IDH3A: variants seen among roughly 807,000 people sequenced by gnomAD.
IDH3A encodes isocitrate dehydrogenase [NAD] subunit alpha, mitochondrial.
In IDH3A, 23 loss-of-function variants were observed where a neutral mutation model predicts 43.3. That is an observed-to-expected ratio of 0.53 (90% CI 0.38 to 0.75). The LOEUF (loss-of-function observed/expected upper bound fraction) is 0.75. Ranked by LOEUF, IDH3A falls within the 30% of genes least tolerant of loss-of-function variation. The probability of loss-of-function intolerance (pLI) is 0.00; values close to 1 mark genes in which losing one functional copy is unlikely to be tolerated. For missense variants in IDH3A, 329 were observed against 474.4 expected, an observed-to-expected ratio of 0.69 and a Z score of 2.85; for synonymous variants, 154 against 163.5, an observed-to-expected ratio of 0.94 and a Z score of 0.44.
In IDH3A at chr15:78,158,463, A is replaced by AT. The variant is rs67298643; in HGVS notation, c.174+862dup. ...TACATACATACATATATATATATAT[A>AT]TTTTTTTTTTTTTTTTTTTTTTTTT... On this transcript the variant is annotated intron_variant, in intron 3 of 10. Coordinates refer to ENST00000299518, the MANE Select transcript of IDH3A (RefSeq NM_005530.3). Among the ~76,000 whole-genome samples, 45 of 67,376 alleles carry AT rather than the reference A, an allele frequency of 6.7e-4. 3 individuals carry two copies. The highest frequency in any genetic ancestry group is 1.1e-3 in the Non-Finnish European group (38 of 33,668). The allele number at this position is 67,376 out of a possible 152,430, so 44.2% of individuals were successfully genotyped here. A position where few individuals can be genotyped will look rare whatever the true frequency, so the allele number is the denominator to read the frequency against.
Position 78,169,599 on chromosome 15 carries a change from A to G in IDH3A, c.*594A>G, listed in dbSNP as rs1017173455. The G allele has an allele frequency of 1.2e-4, 18 of 152,266 alleles. No individual in the cohort carries two copies. Among genetic ancestry groups the G allele is most frequent in the African/African-American group, 4.3e-4 (18 of 41,476 alleles). 9.4% of individuals were successfully genotyped at this position (152,266 alleles called of 1,614,324 possible). A position where few individuals can be genotyped will look rare whatever the true frequency, so the allele number is the denominator to read the frequency against. On this transcript the variant is annotated 3_prime_UTR_variant, in exon 11 of 11. Coordinates refer to ENST00000299518, the MANE Select transcript of IDH3A (RefSeq NM_005530.3). ...TACTGAGTGTGAATAAAAACTTCAG[A>G]TCCAAGAAATATATAATGAGAGATA...
rs1167968066 is a variant in IDH3A at position 78,161,645 on chromosome 15, T to C, written c.354T>C (p.Phe118=). 1 of 1,614,208 alleles carries C rather than the reference T, an allele frequency of 6.2e-7. No individual in the cohort carries two copies. Among genetic ancestry groups the C allele is most frequent in the Non-Finnish European group, 8.5e-7 (1 of 1,180,014 alleles). ...PSMNLLLRKT[F]DLYANVRPCV... ...TGAATTTACTGCTGCGCAAAACATT[T>C]GACCTTTACGCGAATGTCCGACCAT... Residue 118 remains phenylalanine (F), a synonymous_variant, in exon 5 of 11, where the codon TTT becomes TTC. Coordinates refer to ENST00000299518, the MANE Select transcript of IDH3A (RefSeq NM_005530.3). This position sits in a 1 kb window ranked among gnomAD's most constrained non-coding sequence, Gnocchi z 4.8.
chr15:78,171,867 G>T lies in IDH3A; in HGVS notation c.*2862G>T, dbSNP rs2074827450. 5.9e-6 allele frequency: 1 copy of T among 168,962 alleles called. No homozygotes were observed. The highest frequency in any genetic ancestry group is 1.3e-5 in the Non-Finnish European group (1 of 79,152). 10.5% of individuals were successfully genotyped at this position (168,962 alleles called of 1,614,324 possible). A position where few individuals can be genotyped will look rare whatever the true frequency, so the allele number is the denominator to read the frequency against. ...TTTTCCTTGACCTGTACCCAGTTTT[G>T]ACCCTCAGTCCATTTTCTCTGAAAT... On this transcript the variant is annotated 3_prime_UTR_variant, in exon 11 of 11. Transcript: ENST00000299518.
chr15:78,161,732 G>A lies in IDH3A; in HGVS notation c.441G>A (p.Glu147=). ...ATGTAAATATTGTGACCATTCGAGA[G>A]AACACAGAAGGAGAATACAGTGGAA... ...YTDVNIVTIR[E]NTEGEYSGIE... Residue 147 remains glutamate, a synonymous_variant, in exon 5 of 11, where the codon GAG becomes GAA. Transcript: ENST00000299518. The surrounding 1 kb of genome is among the most constrained non-coding windows in gnomAD (Gnocchi z 4.8). 3.7e-6 allele frequency: 6 copies of A among 1,614,172 alleles called. No homozygotes were observed. Among genetic ancestry groups the A allele is most frequent in the Non-Finnish European group, 5.1e-6 (6 of 1,180,018 alleles).
intron 1 of IDH3A, among the ~76,000 whole-genome samples, chr15:78,152,199 C>G (rs1008425674): frequency 6.6e-6 from 1 of 151,244 alleles, no homozygotes; most frequent in Non-Finnish European, 1.5e-5. Context: ...GCTGGGATTA[C>G]AGGCACCCAC....
At chr15:78,159,068 G>A (rs1358191306) in intron 3 of IDH3A, among the ~76,000 whole-genome samples, 2 of 152,092 alleles carry the variant, frequency 1.3e-5, no homozygotes, top group African/African-American at 4.8e-5. Flanking sequence ...CCTGACCTCA[G>A]GTGATCCACC....
At chr15:78,164,932 G>C (rs1213767165) in intron 8 of IDH3A, 60 bp from the exon 9 acceptor site, 5 of 1,283,160 alleles carry the variant, frequency 3.9e-6, no homozygotes, top group Non-Finnish European at 4.5e-6. Context: ...CTAAAATCTG[G>C]GTGCTAGGTG....
At chr15:78,159,400 T>C (rs138544739) in intron 3 of IDH3A, among the ~76,000 whole-genome samples, 36 of 152,280 alleles carry the variant, frequency 2.4e-4, no homozygotes, top group African/African-American at 7.0e-4. Flanking sequence ...TAGAATCTTA[T>C]AATATATGGT....
At chr15:78,151,796 GATAT>G (rs141975807) in intron 1 of IDH3A, among the ~76,000 whole-genome samples, 1 of 149,036 alleles carries the variant, frequency 6.7e-6, no homozygotes. Flanking sequence ...AATGATGTGA[GATAT>G]ATATATATAT....
rs765424200 is a variant in IDH3A, at chr15:78,171,475, A to G, written c.*2470A>G. The G allele has an allele frequency of 1.4e-5, 22 of 1,614,074 alleles. No individual in the cohort carries two copies. Among genetic ancestry groups the G allele is most frequent in the South Asian group, 5.5e-5 (5 of 91,080 alleles). ...TTTTTGCTCTTGGTAAAAGGAGTCA[A>G]TGATACCTTTGTACTTCTCCAAAAC... is the stretch of plus-strand genomic sequence containing the variant. On this transcript the variant is annotated 3_prime_UTR_variant, in exon 11 of 11. Coordinates refer to ENST00000299518, the MANE Select transcript of IDH3A (RefSeq NM_005530.3).
chr15:78,166,128 T>C (rs776047558), intron 9 of IDH3A, 22 bp from the exon 10 acceptor site: 1 of 1,610,780 alleles, frequency 6.2e-7, no homozygotes, highest in Non-Finnish European at 8.5e-7. Context: ...CCCTTGATGA[T>C]GCTACTTTTC....
Position 78,163,697 on chromosome 15 carries a change from A to G in IDH3A, c.715-19A>G, listed in dbSNP as rs781292931. 4.4e-6 allele frequency: 7 copies of G among 1,607,864 alleles called. No homozygotes were observed. The highest frequency in any genetic ancestry group is 6.0e-6 in the Non-Finnish European group (7 of 1,174,438). ...GATGCAGATTTTGATTACTAAATGC[A>G]CAAATGTATTCCTTGTAGATGGTAC... On this transcript the variant is annotated intron_variant, in intron 7 of 10. Transcript: ENST00000299518.
intron 1 of IDH3A, among the ~76,000 whole-genome samples, chr15:78,152,930 T>C (rs1036186603): frequency 2.0e-5 from 3 of 152,124 alleles, no homozygotes; most frequent in African/African-American, 7.2e-5. Flanking sequence ...TGTTTTGTTT[T>C]TTTTTAAATT....
At chr15:78,164,452 G>A (rs1445811364) in intron 8 of IDH3A, among the ~76,000 whole-genome samples, 9 of 151,274 alleles carry the variant, frequency 5.9e-5, no homozygotes, top group African/African-American at 9.7e-5. Context: ...TCCCAGGTTC[G>A]AGTGATTCTC....
chr15:78,150,841 T>C (rs147362397), intron 1 of IDH3A: 1 of 152,222 alleles, frequency 6.6e-6, no homozygotes, highest in Non-Finnish European at 1.5e-5. Context: ...CAGATTTGCT[T>C]GTGATGATAA....
Position 78,149,428 on chromosome 15 carries a change from A to C in IDH3A, c.25A>C (p.Lys9Gln). 1 of 1,546,418 alleles carries C rather than the reference A, an allele frequency of 6.5e-7. No individual in the cohort carries two copies. Among genetic ancestry groups the C allele is most frequent in the Middle Eastern group, 2.1e-4 (1 of 4,812 alleles). ...GATGGCTGGGCCCGCGTGGATCTCT[A>C]AGGTGAGCGCTGGCAGGCCGGCGTG... MAGPAWISKVSRLLGAFHN... is the reference protein window; with the variant it reads MAGPAWISQVSRLLGAFHN... Residue 9 changes from lysine (K) to glutamine (Q), a missense_variant and splice_region_variant, in exon 1 of 11, where the codon AAG becomes CAG. Coordinates refer to ENST00000299518, the MANE Select transcript of IDH3A (RefSeq NM_005530.3).
intron 1 of IDH3A, among the ~76,000 whole-genome samples, chr15:78,150,555 C>G (rs1445722984): frequency 6.6e-6 from 1 of 152,194 alleles, no homozygotes; most frequent in African/African-American, 2.4e-5. Context: ...CCTAGCAATG[C>G]CACTGATTGG....
intron 2 of IDH3A, chr15:78,156,835 A>C (rs1231165384): frequency 1.7e-6 from 2 of 1,186,328 alleles, no homozygotes; most frequent in Non-Finnish European, 1.1e-6. Context: ...CATTATAAAA[A>C]CAATAATTGT....
At position 78,158,464 on chromosome 15, in the gene IDH3A, T is replaced by TATATATATATATATATATATATATA. The variant is rs71145899; in HGVS notation, c.174+833_174+834insATATATATATATATATATATATATA. 2.3e-3 allele frequency among the ~76,000 whole-genome samples: 117 copies of TATATATATATATATATATATATATA among 49,920 alleles called. 7 individuals carry two copies. Among genetic ancestry groups the TATATATATATATATATATATATATA allele is most frequent in the Middle Eastern group, 0.028 (2 of 72 alleles). 32.7% of individuals were successfully genotyped at this position (49,920 alleles called of 152,430 possible). A position where few individuals can be genotyped will look rare whatever the true frequency, so the allele number is the denominator to read the frequency against. On this transcript the variant is annotated intron_variant, in intron 3 of 10. Coordinates refer to ENST00000299518, the MANE Select transcript of IDH3A (RefSeq NM_005530.3). ...ACATACATACATATATATATATATA[T>TATATATATATATATATATATATATA]TTTTTTTTTTTTTTTTTTTTTTTTT...
Sources: gnomAD v4.1 joint callset for allele counts (sites outside exome capture counted in the v4.1 genomes callset) on GRCh38, gnomAD v4.1.1 for gene constraint, Gnocchi (gnomAD v3.1) non-coding constraint, MANE v1.5 for transcripts, NCBI Gene and HGNC (gene_info 2026-07-23, HGNC 2026-07-21) for gene names.